The following ADAMTS7 variants were observed in gnomAD, a reference collection of about 807,000 sequenced individuals.
The protein encoded by ADAMTS7 is ADAM metallopeptidase with thrombospondin type 1 motif 7.
Under a neutral mutation model 172.6 loss-of-function variants are expected in ADAMTS7, and 89 were observed. That is an observed-to-expected ratio of 0.52 (90% confidence interval 0.43 to 0.61). ADAMTS7 has a LOEUF of 0.61. Among genes scored for constraint, ADAMTS7 ranks in the 20% least tolerant of loss-of-function variants. ADAMTS7 has a pLI of 0.00. For missense variants in ADAMTS7, 1,973 were observed against 2,355.6 expected (o/e 0.84, Z 3.36); for synonymous variants, 885 against 978.4 (o/e 0.90, Z 1.78).
chr15:78,789,614 G>C, intron 7 of ADAMTS7, 75 bp downstream of exon 7: 2 of 1,568,680 alleles, frequency 1.3e-6, no homozygotes, highest in Non-Finnish European at 1.7e-6. Flanking sequence ...TGACCCACAG[G>C]CTGGATACCC....
intron 5 of ADAMTS7, 46 bp from the exon 6 acceptor site, chr15:78,790,840 GA>G (rs757872999): frequency 6.2e-7 from 1 of 1,608,584 alleles, no homozygotes; most frequent in Non-Finnish European, 8.5e-7. Context: ...TGAGTTCCAA[GA>G]AGGTCAGGCC....
chr15:78,803,847 T>G (rs1385609465), intron 1 of ADAMTS7, among the ~76,000 whole-genome samples: 1 of 152,260 alleles, frequency 6.6e-6, no homozygotes, highest in African/African-American at 2.4e-5. Flanking sequence ...GTTTGCTGTA[T>G]TGGTAACAAA....
At chr15:78,799,557 C>T (rs1240836928) in intron 2 of ADAMTS7, among the ~76,000 whole-genome samples, 8 of 139,790 alleles carry the variant, frequency 5.7e-5, no homozygotes, top group Admixed American at 1.4e-4. Context: ...TGAGGGGTAG[C>T]TTTCCTGGAG....
chr15:78,809,793 T>C (rs2055840977), intron 1 of ADAMTS7, among the ~76,000 whole-genome samples: 2 of 151,968 alleles, frequency 1.3e-5, no homozygotes, highest in African/African-American at 2.4e-5. Flanking sequence ...AGCTCAGGAG[T>C]CCAACCCCAC....
Position 78,788,314 on chromosome 15 carries a change from GAAAGGTCGTTTCC to G in ADAMTS7, c.1226_1238del (p.Gly409AlafsTer58). 1 of 1,613,744 alleles carries G rather than the reference GAAAGGTCGTTTCC, an allele frequency of 6.2e-7. No homozygotes were observed. Among genetic ancestry groups the G allele is most frequent in the Non-Finnish European group, 8.5e-7 (1 of 1,180,012 alleles). ...CGTACAGGAGCTGTGGAGACATGAT[GAAAGGTCGTTTCC>G]CAACGGGCTCACAGTCATTGCCGCT... On this transcript the variant is annotated frameshift_variant, in exon 8 of 24. Transcript: ENST00000388820. LOFTEE classifies it high-confidence loss of function.
chr15:78,786,981 T>C (rs1439399593), intron 8 of ADAMTS7, among the ~76,000 whole-genome samples: 1 of 152,176 alleles, frequency 6.6e-6, no homozygotes, highest in African/African-American at 2.4e-5. Context: ...TTCCACTTAA[T>C]GAGCAGTGAA....
chr15:78,764,327 G>A (rs910934134), intron 20 of ADAMTS7, among the ~76,000 whole-genome samples: 5 of 152,260 alleles, frequency 3.3e-5, no homozygotes, highest in Admixed American at 2.0e-4. Flanking sequence ...AAGGCAAGCT[G>A]GTGAAAGACA....
chr15:78,783,911 A>T (rs2055466355), intron 8 of ADAMTS7, among the ~76,000 whole-genome samples: 1 of 152,218 alleles, frequency 6.6e-6, no homozygotes, highest in Non-Finnish European at 1.5e-5. Context: ...AATTAAAAAA[A>T]AAATCCAAAA....
chr15:78,759,438 G>A lies in ADAMTS7; in HGVS notation c.5044C>T (p.Arg1682Trp), dbSNP rs764163081. The A allele has an allele frequency of 1.5e-5, 24 of 1,594,694 alleles. No individual in the cohort carries two copies. In the Admixed American group the frequency reaches 2.5e-4, roughly 17 times the overall value. ...TGGCGCAGTCAGCGGCGGGCAACCC[G>A]CTGATGGCCTCGGGAGGGGGCGCCG... ...SHGAPSRGHQ[R>W]VARR is the part of the protein sequence containing the mutation. Residue 1682 changes from arginine to tryptophan, a missense_variant, in exon 24 of 24, where the codon CGG becomes TGG. Transcript: ENST00000388820.
chr15:78,789,769 G>T lies in ADAMTS7; in HGVS notation c.1098C>A (p.Cys366Ter). 1 of 1,608,768 alleles carries T rather than the reference G, an allele frequency of 6.2e-7. No individual in the cohort carries two copies. Among genetic ancestry groups the T allele is most frequent in the Non-Finnish European group, 8.5e-7 (1 of 1,178,130 alleles). The change falls in exon 7 of 24, where the codon TGC becomes TGA. Residue 366 changes from cysteine (C) to a stop codon, truncating the protein, a stop_gained. Transcript: ENST00000388820. LOFTEE classifies it high-confidence loss of function. ...TGATGCTGCAGCTGCGGTGCGGCTG[G>T]CACATGCCCGCCACATGGGACAGTC... ...TLGLSHVAGM[C>*]QPHRSCSINE... is the part of the protein sequence containing the mutation.
At chr15:78,790,591 T>G in intron 6 of ADAMTS7, 79 bp downstream of exon 6, 1 of 1,575,220 alleles carries the variant, frequency 6.3e-7, no homozygotes, top group Admixed American at 1.7e-5. Context: ...CACGGCCCCC[T>G]CCTCCACCAG....
chr15:78,796,764 TCGAGACTCC>T lies in ADAMTS7; in HGVS notation c.636_644del (p.Glu213_Arg215del). 1 of 1,611,316 alleles carries T rather than the reference TCGAGACTCC, an allele frequency of 6.2e-7. No homozygotes were observed. Among genetic ancestry groups the T allele is most frequent in the Non-Finnish European group, 8.5e-7 (1 of 1,179,678 alleles). ...GCTGCCGCTGCTCCCAACGCTCCCG[TCGAGACTCC>T]AGCTCTGGGTACACTGGAGGCCCAG... is the stretch of plus-strand genomic sequence containing the variant. On this transcript the variant is annotated inframe_deletion, in exon 4 of 24. Coordinates refer to ENST00000388820, the MANE Select transcript of ADAMTS7 (RefSeq NM_014272.5).
intron 8 of ADAMTS7, among the ~76,000 whole-genome samples, chr15:78,785,987 T>C (rs11854991): frequency 3.7e-4 from 34 of 91,302 alleles, no homozygotes; most frequent in Middle Eastern, 0.013. Context: ...TGGAGTGCAG[T>C]GGCGCGATCT....
intron 1 of ADAMTS7, 44 bp from the exon 2 acceptor site, chr15:78,800,591 G>T (rs1210951094): frequency 6.5e-7 from 1 of 1,544,002 alleles, no homozygotes; most frequent in Non-Finnish European, 8.8e-7. Flanking sequence ...GGGCAGACCC[G>T]GGTCCTTGCT....
At chr15:78,764,199 C>G (rs2055100861) in intron 20 of ADAMTS7, 100 bp from the exon 21 acceptor site, 2 of 1,403,126 alleles carry the variant, frequency 1.4e-6, no homozygotes, top group Non-Finnish European at 1.9e-6. Context: ...GCCCACGCCC[C>G]AGCCCGGGGG....
intron 1 of ADAMTS7, among the ~76,000 whole-genome samples, chr15:78,803,733 G>A (rs772347777): frequency 6.6e-5 from 10 of 152,212 alleles, no homozygotes; most frequent in Non-Finnish European, 1.2e-4. Flanking sequence ...GATTACAGGC[G>A]TGAGCCACTG....
rs759070873 is a variant in ADAMTS7, at chr15:78,766,623, G to A, written c.3288C>T (p.Pro1096=). Reference sequence around the variant, plus strand: ...GCGCAGCAGGATGGCTGTGTGGTGGGGGTGTCCGGTCCCCTGTCCCCGCCA... The same window carrying A: ...GCGCAGCAGGATGGCTGTGTGGTGGAGGTGTCCGGTCCCCTGTCCCCGCCA... The part of the protein sequence containing the change: ...LDLAGTGDRT[P]PPHSHPAAPS... Residue 1096 remains proline (P), a synonymous_variant, in exon 19 of 24, where the codon CCC becomes CCT. Coordinates refer to ENST00000388820, the MANE Select transcript of ADAMTS7 (RefSeq NM_014272.5). 39 of 1,608,220 alleles carry A rather than the reference G, an allele frequency of 2.4e-5. No homozygotes were observed. Among genetic ancestry groups the A allele is most frequent in the Middle Eastern group, 2.3e-4 (1 of 4,438 alleles).
In ADAMTS7 at chr15:78,774,204, C is replaced by T. The variant is rs767733131; in HGVS notation, c.1973G>A (p.Arg658Gln). Residue 658 changes from arginine to glutamine, a missense_variant, in exon 13 of 24, where the codon CGA becomes CAA. Arg to Gln is a conservative substitution (Grantham distance 43). This residue lies in a region of ADAMTS7 where 526 missense variants were observed against 662.9 expected (regional missense o/e 0.79). Transcript: ENST00000388820. Reference sequence around the variant, plus strand: ...GTTGATGCAGAGGTCCCGGCTGGCTCGGACCTGGTAGCAGGGGGTGCCATC... The same window carrying T: ...GTTGATGCAGAGGTCCCGGCTGGCTTGGACCTGGTAGCAGGGGGTGCCATC... ...VVDGTPCYQV[R>Q]ASRDLCINGI... is the part of the protein sequence containing the mutation. 4 of 1,590,524 alleles carry T rather than the reference C, an allele frequency of 2.5e-6. No homozygotes were observed. Among genetic ancestry groups the T allele is most frequent in the East Asian group, 2.2e-5 (1 of 44,582 alleles).
intron 8 of ADAMTS7, among the ~76,000 whole-genome samples, chr15:78,781,664 C>G (rs1462574299): frequency 6.6e-6 from 1 of 152,154 alleles, no homozygotes; most frequent in African/African-American, 2.4e-5. Context: ...GGGCAGCACC[C>G]TGGGTCTGGG....
Sources: allele counts gnomAD v4.1 joint callset (sites outside exome capture counted in the v4.1 genomes callset), GRCh38; gene constraint gnomAD v4.1.1; regional missense constraint gnomAD v4.1.1; transcripts MANE v1.5; gene names NCBI Gene and HGNC (gene_info 2026-07-23, HGNC 2026-07-21).